Variants in DAB1 observed in about 807,000 individuals in gnomAD.
DAB1 encodes disabled homolog 1.
A neutral mutation model predicts 64.6 loss-of-function variants in DAB1; 15 were observed. The ratio of observed to expected loss-of-function variants is 0.23; its 90% CI spans 0.16 to 0.36. The LOEUF is 0.36. Ranked by LOEUF, DAB1 falls within the 10% of genes least tolerant of loss-of-function variation. The pLI is 1.00. For synonymous variants in DAB1, 235 were observed against 251.9 expected (o/e 0.93, Z 0.64); for missense variants, 596 against 706.7 (o/e 0.84, Z 1.78).
chr1:57,881,707 A>T (rs1457777151), intron 1 of DAB1, among the ~76,000 whole-genome samples: 1 of 152,184 alleles, frequency 6.6e-6, no homozygotes, highest in Admixed American at 6.5e-5. Flanking sequence ...AAGCATTCGT[A>T]TAAATAGATG....
chr1:58,332,452 C>T lies in DAB1; in HGVS notation n.309+10900G>A, dbSNP rs868710077. Among the ~76,000 whole-genome samples the T allele has an allele frequency of 1.8e-4, 27 of 152,250 alleles. No individual in the cohort carries two copies. The Middle Eastern group carries it at 0.014, about 77-fold the overall frequency. On this transcript the variant is annotated intron_variant and non_coding_transcript_variant, in intron 4 of 20. Coordinates refer to the DAB1 transcript ENST00000485760. ...TCAGACCACTGCAATAAAGCAAGTCCCACAATTTTTGGGGTTTCCAGTGCA... is the reference window on the plus strand; with the variant it reads ...TCAGACCACTGCAATAAAGCAAGTCTCACAATTTTTGGGGTTTCCAGTGCA...
At chr1:57,547,574 G>C (rs190486231) in intron 7 of DAB1, among the ~76,000 whole-genome samples, 37 of 152,250 alleles carry the variant, frequency 2.4e-4, no homozygotes, top group African/African-American at 8.7e-4. Flanking sequence ...CTTCATTCGA[G>C]TCTCTTCAGA....
intron 4 of DAB1, among the ~76,000 whole-genome samples, chr1:58,323,492 G>A (rs899769478): frequency 3.0e-4 from 46 of 151,798 alleles, no homozygotes; most frequent in African/African-American, 1.0e-3. Flanking sequence ...AGACATCCAC[G>A]GAAAGGCCTC....
intron 4 of DAB1, among the ~76,000 whole-genome samples, chr1:57,125,015 G>T (rs539236096): frequency 7.6e-4 from 113 of 149,338 alleles, no homozygotes; most frequent in African/African-American, 2.7e-3. Flanking sequence ...AGTTCATAGT[G>T]TGATTGTGAG....
chr1:57,599,199 A>T (rs944396622), intron 7 of DAB1, among the ~76,000 whole-genome samples: 38 of 145,794 alleles, frequency 2.6e-4, no homozygotes, highest in African/African-American at 8.2e-4. Flanking sequence ...TTTTTTTTCT[A>T]GGAATGAAGC....
chr1:57,572,059 C>T (rs549718829), intron 7 of DAB1, among the ~76,000 whole-genome samples: 7 of 152,100 alleles, frequency 4.6e-5, no homozygotes, highest in East Asian at 3.8e-4. Context: ...TGGCCAGCTG[C>T]GAGTGGCACT....
At chr1:57,952,218 C>T (rs1557574342) in intron 5 of DAB1, among the ~76,000 whole-genome samples, 1 of 152,040 alleles carries the variant, frequency 6.6e-6, no homozygotes, top group Non-Finnish European at 1.5e-5. Flanking sequence ...AATGAATTTA[C>T]TTGTTCTGTG....
intron 6 of DAB1, among the ~76,000 whole-genome samples, chr1:57,770,555 A>G (rs1220639021): frequency 6.6e-6 from 1 of 152,160 alleles, no homozygotes; most frequent in Non-Finnish European, 1.5e-5. Context: ...TGCCTGCCCA[A>G]AAAAACCTCT....
intron 5 of DAB1, among the ~76,000 whole-genome samples, chr1:58,127,003 T>A (rs2100685424): frequency 6.6e-6 from 1 of 150,400 alleles, no homozygotes; most frequent in African/African-American, 2.5e-5. Context: ...CAAATGGTAT[T>A]TCTAGTTCTA....
At chr1:57,861,973 C>G (rs1327642607) in intron 1 of DAB1, among the ~76,000 whole-genome samples, 1 of 152,060 alleles carries the variant, frequency 6.6e-6, no homozygotes, top group Non-Finnish European at 1.5e-5. Context: ...TGCTTAAATG[C>G]TCCTTGTGAT....
At chr1:57,117,094 C>G (rs529744416) in intron 4 of DAB1, among the ~76,000 whole-genome samples, 69 of 152,214 alleles carry the variant, frequency 4.5e-4, no homozygotes, top group Non-Finnish European at 8.1e-4. Flanking sequence ...CCTAGTCGCT[C>G]TCCAATTCTC....
At chr1:57,405,245 G>A (rs552902818) in intron 1 of DAB1, among the ~76,000 whole-genome samples, 24 of 152,290 alleles carry the variant, frequency 1.6e-4, no homozygotes, top group African/African-American at 5.1e-4. Context: ...CTGGTTTCAC[G>A]GAAGCTTGTG....
intron 7 of DAB1, among the ~76,000 whole-genome samples, chr1:57,526,530 T>A (rs928594711): frequency 6.6e-6 from 1 of 152,182 alleles, no homozygotes; most frequent in African/African-American, 2.4e-5. Context: ...AAACTAAGCA[T>A]CAGGATTCTG....
At chr1:58,174,049 T>C (rs1656323137) in intron 4 of DAB1, among the ~76,000 whole-genome samples, 1 of 152,156 alleles carries the variant, frequency 6.6e-6, no homozygotes, top group Non-Finnish European at 1.5e-5. Context: ...CAGTCCCAAA[T>C]AGACTCTTTG....
intron 5 of DAB1, among the ~76,000 whole-genome samples, chr1:57,902,211 T>C (rs1644485997): frequency 6.6e-6 from 1 of 151,938 alleles, no homozygotes; most frequent in Admixed American, 6.6e-5. Context: ...GCTTTAATTA[T>C]AGCACAAAGA....
intron 7 of DAB1, among the ~76,000 whole-genome samples, chr1:57,493,433 C>T (rs943216692): frequency 6.6e-6 from 1 of 152,284 alleles, no homozygotes; most frequent in African/African-American, 2.4e-5. Context: ...ATAATGCCTT[C>T]AAAGTTCATC....
intron 6 of DAB1, among the ~76,000 whole-genome samples, chr1:57,738,409 T>C (rs2101785612): frequency 6.6e-6 from 1 of 152,306 alleles, no homozygotes; most frequent in East Asian, 1.9e-4. Flanking sequence ...CTTTGTAACA[T>C]ATAATTATTA....
At chr1:57,274,471 C>A (rs1279718912) in intron 2 of DAB1, among the ~76,000 whole-genome samples, 2 of 152,110 alleles carry the variant, frequency 1.3e-5, no homozygotes, top group East Asian at 3.9e-4. Flanking sequence ...GTGTCTGATG[C>A]ATAGTAAGCG....
At chr1:58,438,138 C>A (rs1046956896) in intron 3 of DAB1, among the ~76,000 whole-genome samples, 5 of 152,316 alleles carry the variant, frequency 3.3e-5, no homozygotes, top group Non-Finnish European at 7.4e-5. Flanking sequence ...CTGAGTCGCA[C>A]TCACACCCTT....
Sources: gnomAD v4.1 joint callset for allele counts (sites outside exome capture counted in the v4.1 genomes callset) on GRCh38, gnomAD v4.1.1 for gene constraint, MANE v1.5 for transcripts, NCBI Gene and HGNC (gene_info 2026-07-23, HGNC 2026-07-21) for gene names.